LMNTD1: variants seen among roughly 807,000 people sequenced by gnomAD.
LMNTD1 encodes lamin tail domain-containing protein 1.
Under a neutral mutation model 50.9 loss-of-function variants are expected in LMNTD1, and 35 were observed. That is an observed-to-expected ratio of 0.69 (90% CI 0.53 to 0.91). LMNTD1 has a LOEUF of 0.91. Ranked by LOEUF, LMNTD1 falls within the 40% of genes least tolerant of loss-of-function variation. The pLI, the probability that LMNTD1 is intolerant of heterozygous loss-of-function variation, is 0.00. For synonymous variants in LMNTD1, 153 were observed against 161.9 expected (o/e 0.94, Z 0.42); for missense variants, 470 against 475.5 (o/e 0.99, Z 0.11).
At chr12:25,501,202 G>A (rs1387219319) in intron 9 of LMNTD1, among the ~76,000 whole-genome samples, 1 of 152,002 alleles carries the variant, frequency 6.6e-6, no homozygotes, top group Non-Finnish European at 1.5e-5. Flanking sequence ...TGCTGACCAG[G>A]CTGCCTTTGA....
At chr12:25,613,672 G>A (rs1400616530) in intron 1 of LMNTD1, among the ~76,000 whole-genome samples, 2 of 152,146 alleles carry the variant, frequency 1.3e-5, no homozygotes, top group Non-Finnish European at 1.5e-5. Flanking sequence ...GGAATTAAGA[G>A]ATGATTGAAT....
intron 1 of LMNTD1, among the ~76,000 whole-genome samples, chr12:25,594,186 ACATCC>A (rs1385622456): frequency 6.6e-6 from 1 of 152,224 alleles, no homozygotes; most frequent in Non-Finnish European, 1.5e-5. Context: ...TAGGACCTAG[ACATCC>A]AAATACAAGA....
rs571646854 is a variant in LMNTD1 at position 25,545,359 on chromosome 12, T to C, written c.491+1015A>G. Among the ~76,000 whole-genome samples the C allele has an allele frequency of 2.0e-3, 306 of 151,826 alleles. 3 individuals are homozygous for C. Among genetic ancestry groups the C allele is most frequent in the African/African-American group, 7.1e-3 (293 of 41,516 alleles). On this transcript the variant is annotated intron_variant, in intron 4 of 9. Coordinates refer to ENST00000458174, the MANE Select transcript of LMNTD1 (RefSeq NM_001145728.2). The stretch of plus-strand genomic sequence containing the variant: ...TTCTCTCACAGTTTTTAGCTTCTTC[T>C]CTTTGTCCTTGACCTCTGGGGAGCT...
intron 1 of LMNTD1, among the ~76,000 whole-genome samples, chr12:25,559,753 T>C (rs1944209036): frequency 2.0e-5 from 3 of 152,206 alleles, no homozygotes; most frequent in Non-Finnish European, 1.5e-5. Flanking sequence ...TGGTGTGAGA[T>C]GGTATCTCAT....
intron 4 of LMNTD1, among the ~76,000 whole-genome samples, chr12:25,527,994 GT>G (rs1941937849): frequency 6.6e-6 from 1 of 151,728 alleles, no homozygotes; most frequent in African/African-American, 2.4e-5. Flanking sequence ...TGATACTTTT[GT>G]AATCCCTGAC....
intron 1 of LMNTD1, among the ~76,000 whole-genome samples, chr12:25,642,658 T>G (rs1275454354): frequency 1.3e-5 from 2 of 152,248 alleles, no homozygotes; most frequent in African/African-American, 4.8e-5. Context: ...TATAACTTTC[T>G]TCCTTTCAAA....
intron 9 of LMNTD1, among the ~76,000 whole-genome samples, chr12:25,500,605 A>G (rs1175278632): frequency 6.6e-6 from 1 of 152,202 alleles, no homozygotes; most frequent in Admixed American, 6.5e-5. Flanking sequence ...TCTTGAGGAC[A>G]GTTCTGGTGA....
chr12:25,620,190 C>T (rs1350990609), intron 1 of LMNTD1, among the ~76,000 whole-genome samples: 4 of 152,070 alleles, frequency 2.6e-5, no homozygotes, highest in East Asian at 1.9e-4. Flanking sequence ...CAAGTGATTG[C>T]GTTTTAGATG....
At chr12:25,639,374 G>A (rs994091172) in intron 1 of LMNTD1, among the ~76,000 whole-genome samples, 1 of 152,082 alleles carries the variant, frequency 6.6e-6, no homozygotes, top group African/African-American at 2.4e-5. Context: ...AGAAAGTGAA[G>A]AGACAACTCA....
intron 1 of LMNTD1, among the ~76,000 whole-genome samples, chr12:25,562,335 T>C (rs1330501014): frequency 4.6e-5 from 7 of 152,234 alleles, no homozygotes; most frequent in Non-Finnish European, 8.8e-5. Context: ...GGCCTGGTGG[T>C]GACAAAATCT....
At chr12:25,479,415 T>C (rs1455055343) in intron 9 of LMNTD1, among the ~76,000 whole-genome samples, 1 of 152,212 alleles carries the variant, frequency 6.6e-6, no homozygotes, top group East Asian at 1.9e-4. Flanking sequence ...TAGATGCTGA[T>C]TCAGAACATA....
chr12:25,526,975 G>T lies in LMNTD1; in HGVS notation c.492-20C>A. On this transcript the variant is annotated intron_variant, in intron 4 of 9. Transcript: ENST00000458174. Reference sequence around the variant, plus strand: ...AGAGAACTAGAAAATAAAACACAAAGATTGTAAGCTGCCTTCAGATAGGAG... The same window carrying T: ...AGAGAACTAGAAAATAAAACACAAATATTGTAAGCTGCCTTCAGATAGGAG... 6.4e-7 allele frequency: 1 copy of T among 1,552,644 alleles called. No individual in the cohort carries two copies. The highest frequency in any genetic ancestry group is 2.3e-5 in the East Asian group (1 of 43,926).
Position 25,552,581 on chromosome 12 carries a change from G to GAA in LMNTD1, c.89+288_89+289dup, listed in dbSNP as rs55848800. Among the ~76,000 whole-genome samples, 164 of 58,154 alleles carry GAA rather than the reference G, an allele frequency of 2.8e-3. 3 individuals are homozygous for GAA. Among genetic ancestry groups the GAA allele is most frequent in the African/African-American group, 8.5e-3 (148 of 17,416 alleles). 38.2% of individuals were successfully genotyped at this position (58,154 alleles called of 152,430 possible). ...AAGATCGCGCCACTGCACTCTGTCT[G>GAA]AAAAAAAAAAAAAAAAAAAACGGAA... On this transcript the variant is annotated intron_variant, in intron 2 of 9. Coordinates refer to ENST00000458174, the MANE Select transcript of LMNTD1 (RefSeq NM_001145728.2).
Position 25,590,565 on chromosome 12 carries a change from C to T in LMNTD1, c.59-44011G>A, listed in dbSNP as rs773670207. On this transcript the variant is annotated intron_variant, in intron 1 of 7. Transcript: ENST00000445693. ...GTCATGTGACCTACTGAGAAACCAG[C>T]GAGGTGTCTAAGGGGGTGCTAGCAT... Among the ~76,000 whole-genome samples the T allele has an allele frequency of 3.9e-5, 6 of 152,180 alleles. No individual in the cohort carries two copies. The East Asian group carries it at 5.8e-4, about 15-fold the overall frequency.
At chr12:25,538,368 G>A (rs181239229) in intron 4 of LMNTD1, among the ~76,000 whole-genome samples, 10 of 151,396 alleles carry the variant, frequency 6.6e-5, no homozygotes, top group East Asian at 3.9e-4. Context: ...GACTAACAGC[G>A]GATCTCTAGG....
intron 1 of LMNTD1, among the ~76,000 whole-genome samples, chr12:25,643,921 C>A (rs186306570): frequency 6.6e-6 from 1 of 152,260 alleles, no homozygotes; most frequent in Admixed American, 6.5e-5. Context: ...CCTGGAGAGA[C>A]TGCACATAGA....
intron 1 of LMNTD1, among the ~76,000 whole-genome samples, chr12:25,619,948 C>T (rs1381532835): frequency 2.6e-5 from 4 of 152,164 alleles, no homozygotes; most frequent in Non-Finnish European, 5.9e-5. Context: ...AATAGAAGTG[C>T]CCAGCCCTTC....
chr12:25,488,430 C>G (rs1270641952), intron 9 of LMNTD1, among the ~76,000 whole-genome samples: 2 of 140,644 alleles, frequency 1.4e-5, no homozygotes, highest in African/African-American at 5.3e-5. Flanking sequence ...CGCATCGGCT[C>G]CTGAGGCTTC....
intron 2 of LMNTD1, among the ~76,000 whole-genome samples, 186 bp from the exon 3 acceptor site, chr12:25,549,732 T>C (rs896682358): frequency 6.6e-6 from 1 of 152,120 alleles, no homozygotes; most frequent in Non-Finnish European, 1.5e-5. Context: ...TTATTATCAA[T>C]ATGTTGTATG....
Sources: allele counts gnomAD v4.1 joint callset (sites outside exome capture counted in the v4.1 genomes callset), GRCh38; gene constraint gnomAD v4.1.1; transcripts MANE v1.5; gene names NCBI Gene and HGNC (gene_info 2026-07-23, HGNC 2026-07-21).